SCN4A: variants seen among roughly 807,000 people sequenced by gnomAD.
The protein encoded by SCN4A is sodium channel protein type 4 subunit alpha.
Under a neutral mutation model 162.0 loss-of-function variants are expected in SCN4A, and 83 were observed. That is an observed-to-expected ratio of 0.51 (90% confidence interval 0.43 to 0.61). The LOEUF (loss-of-function observed/expected upper bound fraction) is 0.61, where lower values mean the gene tolerates loss of function less well. Among genes scored for constraint, SCN4A ranks in the 20% least tolerant of loss-of-function variants. The probability of loss-of-function intolerance (pLI) is 0.00; values close to 1 mark genes in which losing one functional copy is unlikely to be tolerated. For missense variants in SCN4A, 2,196 were observed against 2,462.5 expected (o/e 0.89, Z 2.29); for synonymous variants, 944 against 985.1 (o/e 0.96, Z 0.78).
intron 18 of SCN4A, 41 bp downstream of exon 18, chr17:63,947,004 C>CCCCCAA: frequency 1.4e-6 from 2 of 1,428,052 alleles, no homozygotes; most frequent in Non-Finnish European, 1.9e-6. Context: ...GTGGCCGGTC[C>CCCCCAA]CCCATCCCCA....
Position 63,940,996 on chromosome 17 carries a change from C to T in SCN4A, c.5286G>A (p.Gly1762=). Reference sequence around the variant, plus strand: ...GCCCCTCCTTCTCAGGGGCGTCATCCCCGCTGCCGTCGTGGCTGTGGCGGT... The same window carrying T: ...GCCCCTCCTTCTCAGGGGCGTCATCTCCGCTGCCGTCGTGGCTGTGGCGGT... The part of the protein sequence containing the change: ...YMYRHSHDGS[G]DDAPEKEGLL... The change falls in exon 24 of 24, where the codon GGG becomes GGA. Residue 1762 remains glycine, a synonymous_variant. Transcript: ENST00000435607. 6.2e-7 allele frequency: 1 copy of T among 1,613,122 alleles called. No individual in the cohort carries two copies.
chr17:63,946,981 C>T, intron 18 of SCN4A, 64 bp downstream of exon 18: 2 of 1,453,458 alleles, frequency 1.4e-6, no homozygotes, highest in Admixed American at 2.0e-5. Flanking sequence ...GCACCCTCCA[C>T]CCTGCAGTGA....
At chr17:63,971,442 G>A (rs1161632140) in intron 4 of SCN4A, among the ~76,000 whole-genome samples, 189 bp from the exon 5 acceptor site, 1 of 152,174 alleles carries the variant, frequency 6.6e-6, no homozygotes, top group East Asian at 1.9e-4. Context: ...CAGTGCAGGA[G>A]CTCTGGGGGA....
At chr17:63,967,076 G>T (rs1410335871) in intron 6 of SCN4A, among the ~76,000 whole-genome samples, 1 of 152,162 alleles carries the variant, frequency 6.6e-6, no homozygotes, top group Non-Finnish European at 1.5e-5. Context: ...TGAAAATGTG[G>T]TGTGATGAAG....
In SCN4A at chr17:63,944,559, C is replaced by A; in HGVS notation, c.3912+114G>T. Reference sequence around the variant, plus strand: ...GACCCAAGCTAGCTGCCTGAACCAACAACCTGGTAGGTGCTCAGGCAGCGT... The same window carrying A: ...GACCCAAGCTAGCTGCCTGAACCAAAAACCTGGTAGGTGCTCAGGCAGCGT... On this transcript the variant is annotated intron_variant, in intron 21 of 23. Coordinates refer to ENST00000435607, the MANE Select transcript of SCN4A (RefSeq NM_000334.4). The surrounding 1 kb of genome is among the most constrained non-coding windows in gnomAD (Gnocchi z 4.3). The A allele has an allele frequency of 8.1e-7, 1 of 1,232,706 alleles. No individual in the cohort carries two copies. Among genetic ancestry groups the A allele is most frequent in the Non-Finnish European group, 1.1e-6 (1 of 892,328 alleles). The allele number at this position is 1,232,706 out of a possible 1,614,324, so 76.4% of individuals were successfully genotyped here. A position where few individuals can be genotyped will look rare whatever the true frequency, so the allele number is the denominator to read the frequency against.
At position 63,972,151 on chromosome 17, in the gene SCN4A, C is replaced by G; in HGVS notation, c.467G>C (p.Trp156Ser). 2 of 1,613,030 alleles carry G rather than the reference C, an allele frequency of 1.2e-6. No homozygotes were observed. Among genetic ancestry groups the G allele is most frequent in the Non-Finnish European group, 1.7e-6 (2 of 1,179,446 alleles). The part of the protein sequence containing the change: ...VFMTMSDPPP[W>S]SKNVEYTFTG... ...GGAGACTTACTCCACATTCTTGGACCAGGGAGGCGGGTCACTCATGGTCAT... is the reference window on the plus strand; with the variant it reads ...GGAGACTTACTCCACATTCTTGGACGAGGGAGGCGGGTCACTCATGGTCAT... The change falls in exon 3 of 24, where the codon TGG becomes TCG. Residue 156 changes from tryptophan to serine, a missense_variant. Trp to Ser is a radical substitution (Grantham distance 177). Coordinates refer to ENST00000435607, the MANE Select transcript of SCN4A (RefSeq NM_000334.4). This position sits in a 1 kb window ranked among gnomAD's most constrained non-coding sequence, Gnocchi z 4.3.
chr17:63,955,736 C>CT (rs1489228406), intron 13 of SCN4A, among the ~76,000 whole-genome samples: 1 of 152,200 alleles, frequency 6.6e-6, no homozygotes, highest in African/African-American at 2.4e-5. Flanking sequence ...TTCCCTCTCT[C>CT]TCCCCACTCC....
At chr17:63,968,463 A>G in intron 5 of SCN4A, 108 bp from the exon 6 acceptor site, 1 of 837,226 alleles carries the variant, frequency 1.2e-6, no homozygotes, top group South Asian at 1.7e-5. Flanking sequence ...TCAAGGCTTG[A>G]CTTACTGAGC....
chr17:63,963,652 C>T lies in SCN4A; in HGVS notation c.1606+20G>A, dbSNP rs73326363. The T allele has an allele frequency of 3.6e-3, 5,570 of 1,539,878 alleles. 28 individuals carry two copies. Among genetic ancestry groups the T allele is most frequent in the African/African-American group, 0.021 (1,572 of 73,316 alleles). On this transcript the variant is annotated intron_variant, in intron 10 of 23. Coordinates refer to ENST00000435607, the MANE Select transcript of SCN4A (RefSeq NM_000334.4). ...GGCTCCACCCCTACCTAAGTGGGCA[C>T]GGGGGCACAAGGCACTCACCTTCCA...
In SCN4A at chr17:63,947,960, T is replaced by C. The variant is rs774069214; in HGVS notation, c.3248A>G (p.Lys1083Arg). The C allele has an allele frequency of 1.1e-5, 17 of 1,613,888 alleles. No homozygotes were observed. In the South Asian group the frequency reaches 1.4e-4, roughly 14 times the overall value. ...CACCTTAAAGCCGTAGGCCACCCAT[T>C]TGAGCAGCATCTCCATGATGAAGAT... Reference protein sequence around the residue: ...TYIFIMEMLLKWVAYGFKVYF... With the variant: ...TYIFIMEMLLRWVAYGFKVYF... Residue 1083 changes from lysine to arginine, a missense_variant, in exon 17 of 24, where the codon AAA (lysine) becomes AGA (arginine). Physicochemically the swap from Lys to Arg is conservative, Grantham distance 26 (BLOSUM62 2). Coordinates refer to ENST00000435607, the MANE Select transcript of SCN4A (RefSeq NM_000334.4).
rs1203365294 is a variant in SCN4A, at chr17:63,951,868, G to T, written c.2409C>A (p.Ser803Arg). The T allele has an allele frequency of 6.4e-7, 1 of 1,550,616 alleles. No individual in the cohort carries two copies. Among genetic ancestry groups the T allele is most frequent in the East Asian group, 2.4e-5 (1 of 42,116 alleles). ...VLNLFLALLL[S>R]SFSADSLAAS... ...CTGCCAGACTGTCGGCGCTGAAGGA[G>T]CTCAGCAGCAGAGCCAGGAACAGGT... Residue 803 changes from serine to arginine, a missense_variant, in exon 14 of 24, where the codon AGC becomes AGA. By Grantham distance (110) the Ser-to-Arg change is moderately radical. Coordinates refer to ENST00000435607, the MANE Select transcript of SCN4A (RefSeq NM_000334.4). This position sits in a 1 kb window ranked among gnomAD's most constrained non-coding sequence, Gnocchi z 4.5.
At chr17:63,948,168 G>C in intron 16 of SCN4A, 105 bp from the exon 17 acceptor site, 1 of 892,136 alleles carries the variant, frequency 1.1e-6, no homozygotes, top group South Asian at 1.9e-5. Context: ...GTCTGCCGTG[G>C]GGGCCCAGCC....
intron 16 of SCN4A, 35 bp downstream of exon 16, chr17:63,948,576 C>G (rs1908802441): frequency 6.3e-7 from 1 of 1,598,112 alleles, no homozygotes; most frequent in Non-Finnish European, 8.5e-7. Flanking sequence ...GGGCCTGGCC[C>G]CTGCCCCTGA....
At position 63,942,931 on chromosome 17, in the gene SCN4A, T is replaced by A; in HGVS notation, c.4183A>T (p.Ile1395Phe). 6.2e-7 allele frequency: 1 copy of A among 1,614,040 alleles called. No homozygotes were observed. Among genetic ancestry groups the A allele is most frequent in the South Asian group, 1.1e-5 (1 of 91,092 alleles). ...TTGAGCACGCACTCCCCTGTGAAGA[T>A]GATGATGAAGATCATGTTGATGTTG... ...LYNINMIFIIIFTGECVLKML... is the reference protein window; with the variant it reads ...LYNINMIFIIFFTGECVLKML... The change falls in exon 23 of 24, where the codon ATC becomes TTC. Residue 1395 changes from isoleucine (I) to phenylalanine (F), a missense_variant. By Grantham distance (21) the Ile-to-Phe change is conservative (BLOSUM62 0). Coordinates refer to ENST00000435607, the MANE Select transcript of SCN4A (RefSeq NM_000334.4).
intron 10 of SCN4A, 74 bp downstream of exon 10, chr17:63,963,598 T>A: frequency 7.0e-7 from 1 of 1,430,428 alleles, no homozygotes; most frequent in Non-Finnish European, 9.2e-7. Context: ...TTCCATGGCA[T>A]CCCTATCCTC....
intron 10 of SCN4A, among the ~76,000 whole-genome samples, chr17:63,962,950 C>G (rs1486940591): frequency 6.6e-6 from 1 of 152,214 alleles, no homozygotes; most frequent in Non-Finnish European, 1.5e-5. Flanking sequence ...GGGCCCCCAA[C>G]TCCCTGGCAC....
At chr17:63,953,241 T>C (rs939785023) in intron 13 of SCN4A, among the ~76,000 whole-genome samples, 1 of 151,712 alleles carries the variant, frequency 6.6e-6, no homozygotes, top group South Asian at 2.1e-4. Flanking sequence ...GCGCCTGTAG[T>C]CCTAACTACT....
At chr17:63,957,729 C>T (rs1380123525) in intron 12 of SCN4A, among the ~76,000 whole-genome samples, 8 of 152,252 alleles carry the variant, frequency 5.3e-5, no homozygotes, top group African/African-American at 1.9e-4. Flanking sequence ...CCAGGCCAGG[C>T]GCGGTGGCTC....
intron 9 of SCN4A, 119 bp from the exon 10 acceptor site, chr17:63,963,944 T>A: frequency 2.0e-6 from 2 of 1,021,942 alleles, no homozygotes; most frequent in Non-Finnish European, 2.8e-6. Context: ...TCCTGGCCTG[T>A]GTCAAACTTA....
Sources: gnomAD v4.1 joint callset for allele counts (sites outside exome capture counted in the v4.1 genomes callset) on GRCh38, gnomAD v4.1.1 for gene constraint, Gnocchi (gnomAD v3.1) non-coding constraint, MANE v1.5 for transcripts, NCBI Gene and HGNC (gene_info 2026-07-23, HGNC 2026-07-21) for gene names.